RBFOX1: variants seen among roughly 807,000 people sequenced by gnomAD.
The protein encoded by RBFOX1 is RNA binding fox-1 homolog 1.
A neutral mutation model predicts 57.7 loss-of-function variants in RBFOX1; 8 were observed. The ratio of observed to expected loss-of-function variants is 0.14; its 90% CI spans 0.08 to 0.25. The LOEUF is 0.25. Ranked by LOEUF, RBFOX1 falls within the 10% of genes least tolerant of loss-of-function variation. The pLI, the probability that RBFOX1 is intolerant of heterozygous loss-of-function variation, is 1.00. For missense variants in RBFOX1, 611 were observed against 548.5 expected, an observed-to-expected ratio of 1.11 and a Z score of -1.14; for synonymous variants, 326 against 222.4, an observed-to-expected ratio of 1.47 and a Z score of -4.15.
chr16:7,660,406 T>C (rs1323645083), intron 12 of RBFOX1, among the ~76,000 whole-genome samples: 2 of 152,198 alleles, frequency 1.3e-5, no homozygotes, highest in African/African-American at 2.4e-5. Context: ...AACTGTTCCG[T>C]GGTTAATTTA....
chr16:5,809,356 C>G (rs2055340775), intron 3 of RBFOX1, among the ~76,000 whole-genome samples: 1 of 152,096 alleles, frequency 6.6e-6, no homozygotes, highest in Non-Finnish European at 1.5e-5. Flanking sequence ...TTCTGGACAG[C>G]AAAAGAAACT....
intron 2 of RBFOX1, among the ~76,000 whole-genome samples, chr16:5,595,082 G>A (rs2047139131): frequency 1.3e-5 from 2 of 151,948 alleles, no homozygotes; most frequent in Admixed American, 1.3e-4. Flanking sequence ...GGAGGTGGAG[G>A]TTGTGGTGAG....
intron 4 of RBFOX1, among the ~76,000 whole-genome samples, chr16:7,462,445 C>T (rs1017800649): frequency 1.1e-4 from 16 of 152,156 alleles, no homozygotes; most frequent in Non-Finnish European, 1.5e-4. Context: ...GAGCCAAGAT[C>T]GTGCCATTGC....
At chr16:7,215,458 C>G (rs1247515855) in intron 4 of RBFOX1, among the ~76,000 whole-genome samples, 6 of 152,136 alleles carry the variant, frequency 3.9e-5, no homozygotes, top group Non-Finnish European at 2.9e-5. Context: ...GAAAATGTAG[C>G]ACATATACAC....
At chr16:6,062,229 G>A (rs921741460) in intron 1 of RBFOX1, among the ~76,000 whole-genome samples, 2 of 152,034 alleles carry the variant, frequency 1.3e-5, no homozygotes, top group Non-Finnish European at 2.9e-5. Flanking sequence ...TTTTTATGGA[G>A]GCTTCATTAA....
At chr16:5,943,250 C>T (rs1164268364) in intron 4 of RBFOX1, among the ~76,000 whole-genome samples, 3 of 152,168 alleles carry the variant, frequency 2.0e-5, no homozygotes, top group African/African-American at 7.2e-5. Flanking sequence ...GTTTTCCCAG[C>T]CCATCACAGG....
chr16:7,536,157 C>T (rs574697070), intron 5 of RBFOX1, among the ~76,000 whole-genome samples: 57 of 152,232 alleles, frequency 3.7e-4, no homozygotes, highest in East Asian at 1.5e-3. Flanking sequence ...ATGTGGATCT[C>T]GTGGAAAGGA....
At chr16:6,650,959 A>T (rs1425775937) in intron 2 of RBFOX1, among the ~76,000 whole-genome samples, 1 of 152,128 alleles carries the variant, frequency 6.6e-6, no homozygotes, top group Admixed American at 6.5e-5. Flanking sequence ...CTGAAGTGCA[A>T]TGGCATGATC....
At chr16:6,706,046 G>A (rs2062682740) in intron 3 of RBFOX1, among the ~76,000 whole-genome samples, 1 of 152,144 alleles carries the variant, frequency 6.6e-6, no homozygotes, top group Non-Finnish European at 1.5e-5. Flanking sequence ...GATAGATATA[G>A]GTTAGATGGA....
chr16:7,156,569 G>A (rs575100729), intron 4 of RBFOX1, among the ~76,000 whole-genome samples: 2 of 151,960 alleles, frequency 1.3e-5, no homozygotes, highest in Non-Finnish European at 2.9e-5. Flanking sequence ...GTGTACATAT[G>A]TATGCACATT....
At chr16:7,263,715 G>A (rs1056399218) in intron 4 of RBFOX1, among the ~76,000 whole-genome samples, 2 of 151,916 alleles carry the variant, frequency 1.3e-5, no homozygotes. Flanking sequence ...GGCTAACATG[G>A]TGAAACCCCA....
chr16:6,866,541 A>ATTTTTTTTTTTTTTTTTTTTT (rs56678526), intron 3 of RBFOX1, among the ~76,000 whole-genome samples: 6 of 78,886 alleles, frequency 7.6e-5, no homozygotes, highest in African/African-American at 1.1e-4. Flanking sequence ...CTTTCCTTCT[A>ATTTTTTTTTTTTTTTTTTTTT]TTTTTTTTTT....
intron 4 of RBFOX1, among the ~76,000 whole-genome samples, chr16:7,203,649 C>T (rs1234882529): frequency 6.6e-6 from 1 of 152,216 alleles, no homozygotes; most frequent in Non-Finnish European, 1.5e-5. Flanking sequence ...CTTCTCACAG[C>T]TCAGATAGGG....
At chr16:6,929,807 T>G (rs1359405267) in intron 3 of RBFOX1, among the ~76,000 whole-genome samples, 1 of 152,192 alleles carries the variant, frequency 6.6e-6, no homozygotes, top group African/African-American at 2.4e-5. Flanking sequence ...TCAAAGAAGT[T>G]GCTCATGCTG....
intron 4 of RBFOX1, among the ~76,000 whole-genome samples, chr16:7,394,488 G>A (rs1437927277): frequency 6.6e-6 from 1 of 152,062 alleles, no homozygotes; most frequent in Non-Finnish European, 1.5e-5. Context: ...TGACACAAGA[G>A]TCAAACCCCC....
intron 2 of RBFOX1, among the ~76,000 whole-genome samples, chr16:6,470,596 G>GC (rs765260209): frequency 2.6e-4 from 39 of 152,114 alleles, no homozygotes; most frequent in Non-Finnish European, 3.7e-4. Flanking sequence ...CTATCCAGTT[G>GC]CCTCTTGTGT....
chr16:7,187,500 T>C (rs375817709), intron 4 of RBFOX1, among the ~76,000 whole-genome samples: 9 of 151,200 alleles, frequency 6.0e-5, no homozygotes, highest in South Asian at 4.2e-4. Flanking sequence ...CCATCCTGGC[T>C]AACACAGTGA....
chr16:6,099,034 A>G (rs921210588), intron 1 of RBFOX1, among the ~76,000 whole-genome samples: 1 of 152,182 alleles, frequency 6.6e-6, no homozygotes, highest in East Asian at 1.9e-4. Flanking sequence ...CTGGTTCTTT[A>G]TTAGGCAGAG....
Position 6,448,156 on chromosome 16 carries a change from C to CTTTTTTTTTTTTTTTTTTTT in RBFOX1, c.-64+131101_-64+131120dup, listed in dbSNP as rs397969435. Among the ~76,000 whole-genome samples, 11 of 78,460 alleles carry CTTTTTTTTTTTTTTTTTTTT rather than the reference C, an allele frequency of 1.4e-4. 1 individual carries two copies. The highest frequency in any genetic ancestry group is 1.5e-4 in the Non-Finnish European group (7 of 45,474). The allele number at this position is 78,460 out of a possible 152,430, so 51.5% of individuals were successfully genotyped here. A position where few individuals can be genotyped will look rare whatever the true frequency, so the allele number is the denominator to read the frequency against. On this transcript the variant is annotated intron_variant, in intron 2 of 15. Coordinates refer to ENST00000550418, the MANE Select transcript of RBFOX1 (RefSeq NM_018723.4). ...TTCTTTTTTTTCTTTTCTTTTCTTTCTTTTTTTTTTTTTTTTTTTTTGAGA... is the reference window on the plus strand; with the variant it reads ...TTCTTTTTTTTCTTTTCTTTTCTTTCTTTTTTTTTTTTTTTTTTTTTTTTTTTTTTTTTTTTTTTTTGAGA...
Sources: allele counts gnomAD v4.1 joint callset (sites outside exome capture counted in the v4.1 genomes callset), GRCh38; gene constraint gnomAD v4.1.1; transcripts MANE v1.5; gene names NCBI Gene and HGNC (gene_info 2026-07-23, HGNC 2026-07-21).